The following NOMO1 variants were observed in gnomAD, a reference collection of about 807,000 sequenced individuals.
NOMO1 encodes the protein NODAL modulator 1.
NOMO1 carries 40 observed loss-of-function variants against 133.8 expected under a neutral mutation model. The observed-to-expected ratio is 0.30, with a 90% CI of 0.23 to 0.39. The LOEUF (loss-of-function observed/expected upper bound fraction) is 0.39, where lower values mean the gene tolerates loss of function less well. Ranked by LOEUF, NOMO1 falls within the 10% of genes least tolerant of loss-of-function variation. The probability of loss-of-function intolerance (pLI) is 1.00; values close to 1 mark genes in which losing one functional copy is unlikely to be tolerated. For synonymous variants in NOMO1, 236 were observed against 570.5 expected (o/e 0.41, Z 8.36); for missense variants, 462 against 1,419.9 (o/e 0.33, Z 10.84).
chr16:14,878,766 C>T lies in NOMO1; in HGVS notation c.2689C>T (p.Leu897=). The T allele has an allele frequency of 1.2e-6, 2 of 1,611,860 alleles. No individual in the cohort carries two copies. The highest frequency in any genetic ancestry group is 1.7e-6 in the Non-Finnish European group (2 of 1,179,840). The change falls in exon 23 of 31, where the codon CTG becomes TTG. Residue 897 remains leucine (L), a synonymous_variant. Coordinates refer to ENST00000287667, the MANE Select transcript of NOMO1 (RefSeq NM_014287.4). ...DQPLPGVLLS[L]SGGLFRSNLL... is the part of the protein sequence containing the mutation. The stretch of plus-strand genomic sequence containing the variant: ...GCCCCTCCCGGGAGTCCTCTTATCC[C>T]TGAGCGGTGGCCTGTTTCGTTCCAA...
At chr16:14,882,789 C>A in intron 26 of NOMO1, 112 bp downstream of exon 26, 7 of 1,551,084 alleles carry the variant, frequency 4.5e-6, no homozygotes, top group Non-Finnish European at 5.3e-6. Flanking sequence ...GAACTTTCAT[C>A]CTAATTAAGG....
chr16:14,892,451 C>A, intron 29 of NOMO1, among the ~76,000 whole-genome samples: 1 of 151,568 alleles, frequency 6.6e-6, no homozygotes, highest in Non-Finnish European at 1.5e-5. Flanking sequence ...TGTGGAGACA[C>A]TGCTTGGTGG....
chr16:14,833,957 G>C lies in NOMO1; in HGVS notation c.106G>C (p.Val36Leu), dbSNP rs1216443635. ...GCCGGCGCACGGCTCGGAGGACATC[G>C]TGGTGGGCTGCGGTGGCTTCGTCAA... ...VGPAHGSEDI[V>L]VGCGGFVKSD... The change falls in exon 1 of 31, where the codon GTG (valine) becomes CTG (leucine). Residue 36 changes from valine to leucine, a missense_variant. By Grantham distance (32) the Val-to-Leu change is conservative. Transcript: ENST00000287667. 9.9e-6 allele frequency: 5 copies of C among 506,686 alleles called. No homozygotes were observed. The highest frequency in any genetic ancestry group is 1.5e-5 in the Non-Finnish European group (5 of 334,962). The allele number at this position is 506,686 out of a possible 1,614,324, so 31.4% of individuals were successfully genotyped here. A position where few individuals can be genotyped will look rare whatever the true frequency, so the allele number is the denominator to read the frequency against.
At chr16:14,878,130 C>G (rs962533143) in intron 22 of NOMO1, among the ~76,000 whole-genome samples, 3 of 151,088 alleles carry the variant, frequency 2.0e-5, no homozygotes, top group Admixed American at 1.3e-4. Flanking sequence ...TTCACCTCCT[C>G]CACCCACTCA....
In NOMO1 at chr16:14,883,769, C is replaced by T. The variant is rs542926759; in HGVS notation, c.3112-603C>T. ...TCACTAGCATAATGTGGACTGTGGC[C>T]GGGCAGGTATGAAAGGGAAGGGGGC... is the stretch of plus-strand genomic sequence containing the variant. On this transcript the variant is annotated intron_variant, in intron 26 of 30. Transcript: ENST00000287667. 1.2e-3 allele frequency among the ~76,000 whole-genome samples: 183 copies of T among 150,846 alleles called. 2 individuals carry two copies. The highest frequency in any genetic ancestry group is 4.4e-3 in the African/African-American group (179 of 40,812).
In NOMO1 at chr16:14,873,986, G is replaced by A. The variant is rs868650788; in HGVS notation, c.2055-1050G>A. On this transcript the variant is annotated intron_variant, in intron 18 of 30. Transcript: ENST00000287667. ...TTGGCTTTACAATCAAAATACACCC[G>A]TCATCTAGTCCCTTTTTACCACTTG... 5.5e-4 allele frequency among the ~76,000 whole-genome samples: 83 copies of A among 150,500 alleles called. No homozygotes were observed. In the East Asian group the frequency reaches 6.6e-3, roughly 12 times the overall value.
At position 14,833,898 on chromosome 16, in the gene NOMO1, C is replaced by G. The variant is rs1456267359; in HGVS notation, c.47C>G (p.Thr16Ser). The G allele has an allele frequency of 1.3e-6, 1 of 746,146 alleles. No homozygotes were observed. Among genetic ancestry groups the G allele is most frequent in the Non-Finnish European group, 1.8e-6 (1 of 545,208 alleles). 46.2% of individuals were successfully genotyped at this position (746,146 alleles called of 1,614,324 possible). A position where few individuals can be genotyped will look rare whatever the true frequency, so the allele number is the denominator to read the frequency against. Residue 16 changes from threonine to serine, a missense_variant, in exon 1 of 31, where the codon ACC becomes AGC. Physicochemically the swap from Thr to Ser is moderately conservative, Grantham distance 58 (BLOSUM62 1). Transcript: ENST00000287667. The stretch of plus-strand genomic sequence containing the variant: ...GGGCCGCTGGGGCCCGCGGTGGTCA[C>G]CGCCGCGGTGGTGCTGCTGCTGAGC... Reference protein sequence around the residue: ...GAGPLGPAVVTAAVVLLLSGV... With the variant: ...GAGPLGPAVVSAAVVLLLSGV...
chr16:14,873,812 G>T (rs1964113336), intron 18 of NOMO1, among the ~76,000 whole-genome samples: 1 of 151,662 alleles, frequency 6.6e-6, no homozygotes, highest in Admixed American at 6.6e-5. Flanking sequence ...CTTGTACTCA[G>T]CAGACCCAAA....
intron 26 of NOMO1, among the ~76,000 whole-genome samples, chr16:14,884,055 C>A (rs1597114500): frequency 6.8e-6 from 1 of 148,004 alleles, no homozygotes; most frequent in East Asian, 2.0e-4. Flanking sequence ...GCAAGAGCAT[C>A]CTTCTCCTTT....
chr16:14,869,260 T>C (rs1306675823), intron 16 of NOMO1, among the ~76,000 whole-genome samples: 1 of 151,650 alleles, frequency 6.6e-6, no homozygotes, highest in Non-Finnish European at 1.5e-5. Context: ...TATAATGGCT[T>C]TTTTTGGAGG....
intron 1 of NOMO1, among the ~76,000 whole-genome samples, chr16:14,836,450 C>G (rs1448013456): frequency 6.6e-6 from 1 of 152,054 alleles, no homozygotes; most frequent in Non-Finnish European, 1.5e-5. Context: ...TTCATTGCAG[C>G]TCGTGTCATG....
At position 14,864,730 on chromosome 16, in the gene NOMO1, A is replaced by C; in HGVS notation, c.1537+4A>C. ...TCTGGGAAAGTCTCTTGTTTGGGTAAGATATCACTGGAAAGTAAGAACACA... is the reference window on the plus strand; with the variant it reads ...TCTGGGAAAGTCTCTTGTTTGGGTACGATATCACTGGAAAGTAAGAACACA... On this transcript the variant is annotated splice_donor_region_variant and intron_variant, in intron 13 of 30. Coordinates refer to ENST00000287667, the MANE Select transcript of NOMO1 (RefSeq NM_014287.4). 6.2e-7 allele frequency: 1 copy of C among 1,613,606 alleles called. No individual in the cohort carries two copies. Among genetic ancestry groups the C allele is most frequent in the Non-Finnish European group, 8.5e-7 (1 of 1,179,778 alleles).
rs180798933 is a variant in NOMO1, at chr16:14,836,952, G to A, written c.166-1455G>A. Among the ~76,000 whole-genome samples, 1,100 of 151,668 alleles carry A rather than the reference G, an allele frequency of 7.3e-3. 17 individuals are homozygous for A. The highest frequency in any genetic ancestry group is 0.024 in the African/African-American group (989 of 41,286). On this transcript the variant is annotated intron_variant, in intron 1 of 30. Transcript: ENST00000287667. Reference sequence around the variant, plus strand: ...GATCTCCTGACCTCATGATCCACCCGCCTCGGCCTCCCAAAGTGCTGGGAT... The same window carrying A: ...GATCTCCTGACCTCATGATCCACCCACCTCGGCCTCCCAAAGTGCTGGGAT...
At chr16:14,848,704 AG>A (rs1315248600) in intron 5 of NOMO1, 194 bp from the exon 6 acceptor site, 1 of 344,434 alleles carries the variant, frequency 2.9e-6, no homozygotes, top group Non-Finnish European at 5.6e-6. Flanking sequence ...CTTGGCACAC[AG>A]TAAGTGCTCA....
At chr16:14,878,998 G>T (rs1227690633) in intron 23 of NOMO1, among the ~76,000 whole-genome samples, 164 bp downstream of exon 23, 6 of 151,940 alleles carry the variant, frequency 3.9e-5, no homozygotes, top group Admixed American at 6.6e-5. Context: ...GCTCTTACTC[G>T]AACTTAATGC....
At chr16:14,878,954 C>T (rs1964202778) in intron 23 of NOMO1, 120 bp downstream of exon 23, 1 of 1,321,470 alleles carries the variant, frequency 7.6e-7, no homozygotes, top group Non-Finnish European at 1.1e-6. Context: ...GGAGTGGTTT[C>T]AGTTTCTTGG....
chr16:14,870,727 A>C (rs961388295), intron 16 of NOMO1, among the ~76,000 whole-genome samples: 1 of 147,810 alleles, frequency 6.8e-6, no homozygotes, highest in African/African-American at 2.5e-5. Context: ...ACTCACTTCT[A>C]TCCCCTTCTT....
At chr16:14,860,287 G>C (rs1963903610) in intron 11 of NOMO1, among the ~76,000 whole-genome samples, 2 of 151,524 alleles carry the variant, frequency 1.3e-5, no homozygotes, top group African/African-American at 4.9e-5. Context: ...AGAATCGCTT[G>C]AACCCGGGAG....
chr16:14,837,186 T>A (rs1963529765), intron 1 of NOMO1, among the ~76,000 whole-genome samples: 2 of 151,806 alleles, frequency 1.3e-5, no homozygotes, highest in Non-Finnish European at 2.9e-5. Flanking sequence ...CCTAGCTAAT[T>A]TTTTTTCTAG....
Sources: gnomAD v4.1 joint callset for allele counts (sites outside exome capture counted in the v4.1 genomes callset) on GRCh38, gnomAD v4.1.1 for gene constraint, MANE v1.5 for transcripts, NCBI Gene and HGNC (gene_info 2026-07-23, HGNC 2026-07-21) for gene names.